LRIG2: variants seen among roughly 807,000 people sequenced by gnomAD.
LRIG2 encodes the protein leucine-rich repeats and immunoglobulin-like domains protein 2.
In LRIG2, 93 loss-of-function variants were observed where a neutral mutation model predicts 107.8. The ratio of observed to expected loss-of-function variants is 0.86; its 90% CI spans 0.73 to 1.03. LRIG2 has a LOEUF of 1.03. Among genes scored for constraint, LRIG2 ranks in the 50% least tolerant of loss-of-function variants. The pLI, the probability that LRIG2 is intolerant of heterozygous loss-of-function variation, is 0.00. For missense variants in LRIG2, 1,226 were observed against 1,296.0 expected (o/e 0.95, Z 0.83); for synonymous variants, 471 against 470.6 (o/e 1.00, Z -0.01).
At chr1:113,088,640 C>A (rs1000981602) in intron 1 of LRIG2, among the ~76,000 whole-genome samples, 2 of 152,106 alleles carry the variant, frequency 1.3e-5, no homozygotes, top group Non-Finnish European at 2.9e-5. Context: ...TCACCAGATA[C>A]AAAATTAGAT....
intron 8 of LRIG2, among the ~76,000 whole-genome samples, chr1:113,097,302 GTAGAT>G (rs1654108520): frequency 6.6e-6 from 1 of 152,080 alleles, no homozygotes; most frequent in Non-Finnish European, 1.5e-5. Flanking sequence ...AGTAGAATTT[GTAGAT>G]TCTTAAGCTT....
chr1:113,083,986 A>G (rs1467715273), intron 1 of LRIG2, among the ~76,000 whole-genome samples: 1 of 136,186 alleles, frequency 7.3e-6, no homozygotes, highest in African/African-American at 2.7e-5. Flanking sequence ...CATGTACCCT[A>G]GAACTTAAAG....
At chr1:113,110,080 C>T (rs1376694532) in intron 12 of LRIG2, among the ~76,000 whole-genome samples, 162 bp from the exon 13 acceptor site, 1 of 152,170 alleles carries the variant, frequency 6.6e-6, no homozygotes, top group African/African-American at 2.4e-5. Flanking sequence ...CTCATTTCCC[C>T]CATCTTTAAA....
At chr1:113,118,201 G>A (rs572158121) in intron 16 of LRIG2, among the ~76,000 whole-genome samples, 2 of 152,304 alleles carry the variant, frequency 1.3e-5, no homozygotes, top group Non-Finnish European at 2.9e-5. Context: ...TTACAGGCAT[G>A]AGCCACTGCT....
At chr1:113,117,217 C>G (rs1174542845) in intron 16 of LRIG2, among the ~76,000 whole-genome samples, 1 of 152,136 alleles carries the variant, frequency 6.6e-6, no homozygotes, top group Non-Finnish European at 1.5e-5. Context: ...ATACTTCTTC[C>G]TTTTTCCAGC....
intron 17 of LRIG2, among the ~76,000 whole-genome samples, chr1:113,121,696 T>C (rs1477405354): frequency 2.0e-5 from 3 of 151,306 alleles, no homozygotes; most frequent in Admixed American, 6.6e-5. Context: ...TGAGCTGAGA[T>C]TGAGTGATTG....
At chr1:113,089,104 T>C (rs550299886) in intron 1 of LRIG2, among the ~76,000 whole-genome samples, 44 of 152,214 alleles carry the variant, frequency 2.9e-4, no homozygotes, top group Non-Finnish European at 5.0e-4. Flanking sequence ...GGCATGAATC[T>C]AGCTGAGAAC....
intron 12 of LRIG2, among the ~76,000 whole-genome samples, chr1:113,109,801 G>A (rs937676734): frequency 6.6e-6 from 1 of 152,160 alleles, no homozygotes; most frequent in African/African-American, 2.4e-5. Context: ...TTACAGGTGT[G>A]AGCCACCGTG....
chr1:113,073,673 C>G (rs1652818682), intron 1 of LRIG2, 28 bp downstream of exon 1: 1 of 1,589,236 alleles, frequency 6.3e-7, no homozygotes, highest in African/African-American at 1.3e-5. Context: ...GCAGAGTGAC[C>G]AAAAGGAGGG....
chr1:113,104,899 G>A (rs1654468344), intron 11 of LRIG2, among the ~76,000 whole-genome samples: 1 of 152,154 alleles, frequency 6.6e-6, no homozygotes, highest in Non-Finnish European at 1.5e-5. Flanking sequence ...TGTAATCCCA[G>A]TACTTTGGGA....
At chr1:113,080,157 A>G (rs1026618399) in intron 1 of LRIG2, among the ~76,000 whole-genome samples, 11 of 148,834 alleles carry the variant, frequency 7.4e-5, no homozygotes, top group Non-Finnish European at 1.6e-4. Flanking sequence ...AGTAGCTGGG[A>G]CTACAGGCAC....
intron 1 of LRIG2, among the ~76,000 whole-genome samples, chr1:113,090,857 T>A (rs145641925): frequency 4.4e-3 from 167 of 38,254 alleles, no homozygotes; most frequent in African/African-American, 9.2e-3. Context: ...ACAAAAAAAT[T>A]TTTTTTTTTT....
chr1:113,073,514 C>T lies in LRIG2; in HGVS notation c.108C>T (p.Pro36=), dbSNP rs779204934. 19 of 1,614,042 alleles carry T rather than the reference C, an allele frequency of 1.2e-5. No individual in the cohort carries two copies. Among genetic ancestry groups the T allele is most frequent in the Non-Finnish European group, 1.5e-5 (18 of 1,180,020 alleles). The change falls in exon 1 of 18, where the codon CCC becomes CCT. Residue 36 remains proline (P), a synonymous_variant. Coordinates refer to ENST00000361127, the MANE Select transcript of LRIG2 (RefSeq NM_014813.3). ...CCCAGACCGCTCTCCTCCTGTTGCC[C>T]GCCGCCGGAGCAGGTCTCTGCCCCG... ...FIAQTALLLL[P]AAGAGLCPAP... is the part of the protein sequence containing the mutation.
At chr1:113,076,488 T>G (rs1218301643) in intron 1 of LRIG2, among the ~76,000 whole-genome samples, 1 of 152,190 alleles carries the variant, frequency 6.6e-6, no homozygotes, top group Admixed American at 6.5e-5. Context: ...TGAAGTGAAA[T>G]GACTTAGAGA....
At chr1:113,100,691 A>G (rs1171393994) in intron 11 of LRIG2, 4 of 428,034 alleles carry the variant, frequency 9.3e-6, no homozygotes, top group African/African-American at 7.8e-5. Flanking sequence ...GTGTGGCACC[A>G]AGACCTTCTG....
At chr1:113,100,158 A>G (rs1654244115) in intron 9 of LRIG2, 53 bp from the exon 10 acceptor site, 1 of 1,109,786 alleles carries the variant, frequency 9.0e-7, no homozygotes, top group Non-Finnish European at 1.3e-6. Context: ...TGTTTAATGA[A>G]TTTAATTTTG....
chr1:113,091,501 TAAAAG>T (rs1653824850), intron 2 of LRIG2, 118 bp downstream of exon 2: 8 of 603,208 alleles, frequency 1.3e-5, no homozygotes, highest in African/African-American at 3.9e-5. Flanking sequence ...AAAAATTAGT[TAAAAG>T]AAATTATTTG....
At position 113,093,478 on chromosome 1, in the gene LRIG2, C is replaced by A; in HGVS notation, c.429C>A (p.Tyr143Ter). ...PEINAQALQFYPALESLDLSS... is the reference protein window; with the variant it reads ...PEINAQALQF The stretch of plus-strand genomic sequence containing the variant: ...TAAATGCACAGGCACTCCAGTTTTA[C>A]CCTGCTCTGGAGAGTTTAGACCTCA... The change falls in exon 4 of 18, where the codon TAC (tyrosine) becomes TAA (stop). Residue 143 changes from tyrosine to a stop codon, truncating the protein, a stop_gained. Coordinates refer to ENST00000361127, the MANE Select transcript of LRIG2 (RefSeq NM_014813.3). LOFTEE classifies it high-confidence loss of function. 1 of 1,612,522 alleles carries A rather than the reference C, an allele frequency of 6.2e-7. No individual in the cohort carries two copies. Among genetic ancestry groups the A allele is most frequent in the Non-Finnish European group, 8.5e-7 (1 of 1,178,656 alleles).
Position 113,123,970 on chromosome 1 carries a change from C to A in LRIG2, c.3067C>A (p.His1023Asn). 6.2e-7 allele frequency: 1 copy of A among 1,614,124 alleles called. No homozygotes were observed. The highest frequency in any genetic ancestry group is 1.1e-5 in the South Asian group (1 of 91,074). Residue 1023 changes from histidine (H) to asparagine (N), a missense_variant, in exon 18 of 18, where the codon CAT (histidine) becomes AAT (asparagine). His to Asn is a moderately conservative substitution (Grantham distance 68). This residue lies in a region of LRIG2 where 642 missense variants were observed against 712.2 expected (regional missense o/e 0.90). Transcript: ENST00000361127. ...QQPVHESPQLHQNEGLAGREP... is the reference protein window; with the variant it reads ...QQPVHESPQLNQNEGLAGREP... ...GCCAGTCCATGAGTCACCACAACTT[C>A]ATCAAAATGAGGGCCTGGCAGGGAG... is the stretch of plus-strand genomic sequence containing the variant.
Sources: gnomAD v4.1 joint callset for allele counts (sites outside exome capture counted in the v4.1 genomes callset) on GRCh38, gnomAD v4.1.1 for gene constraint, gnomAD v4.1.1 regional missense constraint, MANE v1.5 for transcripts, NCBI Gene and HGNC (gene_info 2026-07-23, HGNC 2026-07-21) for gene names.